The following E2F4 variants were observed in gnomAD, a reference collection of about 807,000 sequenced individuals.
E2F4 encodes the protein E2F transcription factor 4.
A neutral mutation model predicts 44.5 loss-of-function variants in E2F4; 16 were observed. The ratio of observed to expected loss-of-function variants is 0.36; its 90% confidence interval spans 0.24 to 0.55. E2F4 has a LOEUF of 0.55. Among genes scored for constraint, E2F4 ranks in the 20% least tolerant of loss-of-function variants. The pLI is 0.87. For missense variants in E2F4, 473 were observed against 522.1 expected (o/e 0.91, Z 0.92); for synonymous variants, 242 against 207.2 (o/e 1.17, Z -1.44).
chr16:67,192,451 C>T, intron 1 of E2F4, 89 bp downstream of exon 1: 1 of 1,376,874 alleles, frequency 7.3e-7, no homozygotes, highest in Non-Finnish European at 9.4e-7. Flanking sequence ...CAGCTGGGTC[C>T]TCCGAGAGCC....
At position 67,195,818 on chromosome 16, in the gene E2F4, G is replaced by T. The variant is rs1711566876; in HGVS notation, c.845G>T (p.Gly282Val). The T allele has an allele frequency of 3.7e-6, 6 of 1,613,954 alleles. No homozygotes were observed. The highest frequency in any genetic ancestry group is 1.7e-5 in the Admixed American group (1 of 59,990). The part of the protein sequence containing the change: ...GGPGTDSKDS[G>V]ELSSLPLGPT... ...CCTGGGACTGATAGCAAGGACAGTG[G>T]TGAGCTCAGTTCACTCCCACTGGGC... The change falls in exon 7 of 10, where the codon GGT becomes GTT. Residue 282 changes from glycine to valine, a missense_variant. Physicochemically the swap from Gly to Val is moderately radical, Grantham distance 109 (BLOSUM62 -3). Coordinates refer to ENST00000379378, the MANE Select transcript of E2F4 (RefSeq NM_001950.4).
At position 67,192,410 on chromosome 16, in the gene E2F4, T is replaced by A. The variant is rs553588481; in HGVS notation, c.135+48T>A. On this transcript the variant is annotated intron_variant, in intron 1 of 9. Coordinates refer to ENST00000379378, the MANE Select transcript of E2F4 (RefSeq NM_001950.4). ...ACAAGGGAGGCTGGTGGACCAGGCC[T>A]GGGCCGGTAGCGGGAACCCCGGGGG... 14 of 1,417,186 alleles carry A rather than the reference T, an allele frequency of 9.9e-6. No homozygotes were observed. The South Asian group carries it at 1.5e-4, about 16-fold the overall frequency. 87.8% of individuals were successfully genotyped at this position (1,417,186 alleles called of 1,614,324 possible). A position where few individuals can be genotyped will look rare whatever the true frequency, so the allele number is the denominator to read the frequency against.
In E2F4 at chr16:67,198,194, C is replaced by T; in HGVS notation, c.*71C>T. Reference sequence around the variant, plus strand: ...CTGGGGGTTGCCTGGGGACCTCTCCCACCCGACCCCTACAGAGCTTGAGAG... The same window carrying T: ...CTGGGGGTTGCCTGGGGACCTCTCCTACCCGACCCCTACAGAGCTTGAGAG... On this transcript the variant is annotated 3_prime_UTR_variant, in exon 10 of 10. Transcript: ENST00000379378. 1 of 1,361,924 alleles carries T rather than the reference C, an allele frequency of 7.3e-7. No individual in the cohort carries two copies. Among genetic ancestry groups the T allele is most frequent in the Non-Finnish European group, 1.0e-6 (1 of 960,406 alleles). 84.4% of individuals were successfully genotyped at this position (1,361,924 alleles called of 1,614,324 possible).
chr16:67,195,268 G>T lies in E2F4; in HGVS notation c.808+288G>T, dbSNP rs574717740. Among the ~76,000 whole-genome samples, 8 of 152,324 alleles carry T rather than the reference G, an allele frequency of 5.3e-5. No individual in the cohort carries two copies. In the South Asian group the frequency reaches 1.7e-3, roughly 32 times the overall value. On this transcript the variant is annotated intron_variant, in intron 6 of 9. Coordinates refer to ENST00000379378, the MANE Select transcript of E2F4 (RefSeq NM_001950.4). ...TCCTGCCTTAGCCTCCTGAGTAGCTGGGATTACAGGCGCCCACCATGCGCA... is the reference window on the plus strand; with the variant it reads ...TCCTGCCTTAGCCTCCTGAGTAGCTTGGATTACAGGCGCCCACCATGCGCA...
rs988769882 is a variant in E2F4, at chr16:67,192,368, G to T, written c.135+6G>T. ...GCGTGCTTGACCTCAAGCTGGTGCG[G>T]CCTGGGCTAAGGGGAGACAAGGGAG... On this transcript the variant is annotated splice_donor_region_variant and intron_variant, in intron 1 of 9. Coordinates refer to ENST00000379378, the MANE Select transcript of E2F4 (RefSeq NM_001950.4). 1 of 1,420,980 alleles carries T rather than the reference G, an allele frequency of 7.0e-7. No homozygotes were observed. Among genetic ancestry groups the T allele is most frequent in the Non-Finnish European group, 9.2e-7 (1 of 1,086,192 alleles). 88.0% of individuals were successfully genotyped at this position (1,420,980 alleles called of 1,614,324 possible).
chr16:67,195,719 A>T, intron 6 of E2F4, 63 bp from the exon 7 acceptor site: 1 of 1,603,986 alleles, frequency 6.2e-7, no homozygotes, highest in Non-Finnish European at 8.5e-7. Context: ...GGGTTCCAGC[A>T]CAGCCAGTTT....
intron 7 of E2F4, 72 bp downstream of exon 7, chr16:67,196,078 T>G (rs1259598793): frequency 1.3e-6 from 2 of 1,595,704 alleles, no homozygotes; most frequent in Non-Finnish European, 1.7e-6. Context: ...GAAAACAGAA[T>G]TGGGGATGGA....
rs1267100856 is a variant in E2F4, at chr16:67,193,061, C to T, written c.298C>T (p.Leu100Phe). 9 of 1,570,502 alleles carry T rather than the reference C, an allele frequency of 5.7e-6. No individual in the cohort carries two copies. Among genetic ancestry groups the T allele is most frequent in the Non-Finnish European group, 1.7e-6 (2 of 1,157,224 alleles). ...TREIADKLIE[L>F]KAEIEELQQR... ...GGAGATTGCTGACAAACTGATTGAG[C>T]TCAAGGCAGAGATCGAGGAGCTGCA... Residue 100 changes from leucine (L) to phenylalanine (F), a missense_variant, in exon 3 of 10, where the codon CTC (leucine) becomes TTC (phenylalanine). Coordinates refer to ENST00000379378, the MANE Select transcript of E2F4 (RefSeq NM_001950.4).
In E2F4 at chr16:67,197,708, G is replaced by A. The variant is rs1268012213; in HGVS notation, c.1081+62G>A. 5.0e-6 allele frequency: 8 copies of A among 1,604,844 alleles called. 1 individual carries two copies. The South Asian group carries it at 7.7e-5, about 16-fold the overall frequency. On this transcript the variant is annotated intron_variant, in intron 8 of 9. Transcript: ENST00000379378. The stretch of plus-strand genomic sequence containing the variant: ...GGGACACAGCTCATTGGGTCCTATG[G>A]CTGTTTTCTTGCCCTTTTGAGGACC...
chr16:67,197,801 C>A (rs1053413790), intron 8 of E2F4, 66 bp from the exon 9 acceptor site: 1 of 1,611,526 alleles, frequency 6.2e-7, no homozygotes, highest in Non-Finnish European at 8.5e-7. Context: ...GGTTCCCTTT[C>A]CTGGGCTTTG....
Position 67,194,560 on chromosome 16 carries a change from T to C in E2F4, c.513+101T>C, listed in dbSNP as rs2032937108. 3.8e-6 allele frequency: 6 copies of C among 1,576,622 alleles called. No homozygotes were observed. The Admixed American group carries it at 1.0e-4, about 27-fold the overall frequency. On this transcript the variant is annotated intron_variant, in intron 5 of 9. Coordinates refer to ENST00000379378, the MANE Select transcript of E2F4 (RefSeq NM_001950.4). ...GGCAAGTAGGGGGAGGCCTGGAGTTTGGGGTTATCTAGGAGGATGGGCATC... is the reference window on the plus strand; with the variant it reads ...GGCAAGTAGGGGGAGGCCTGGAGTTCGGGGTTATCTAGGAGGATGGGCATC...
intron 3 of E2F4, 93 bp from the exon 4 acceptor site, chr16:67,193,379 C>G (rs796620813): frequency 7.1e-6 from 11 of 1,546,834 alleles, no homozygotes; most frequent in African/African-American, 5.4e-5. Context: ...CTCTGAGGGC[C>G]TGTGTGTCAG....
rs757043561 is a variant in E2F4 at position 67,193,063 on chromosome 16, C to A, written c.300C>A (p.Leu100=). ...TREIADKLIE[L]KAEIEELQQR... ...AGATTGCTGACAAACTGATTGAGCT[C>A]AAGGCAGAGATCGAGGAGCTGCAGC... is the stretch of plus-strand genomic sequence containing the variant. Residue 100 remains leucine (L), a synonymous_variant, in exon 3 of 10, where the codon CTC becomes CTA. Transcript: ENST00000379378. 1.3e-6 allele frequency: 2 copies of A among 1,570,422 alleles called. No individual in the cohort carries two copies. The highest frequency in any genetic ancestry group is 1.9e-5 in the Admixed American group (1 of 53,044).
intron 3 of E2F4, 123 bp downstream of exon 3, chr16:67,193,293 T>G: frequency 6.6e-7 from 1 of 1,511,408 alleles, no homozygotes. Context: ...AGCCTCAGGC[T>G]CCCTCCTCAG....
chr16:67,192,495 G>A lies in E2F4; in HGVS notation c.135+133G>A. 20 of 1,275,214 alleles carry A rather than the reference G, an allele frequency of 1.6e-5. No individual in the cohort carries two copies. In the South Asian group the frequency reaches 2.0e-4, roughly 13 times the overall value. The allele number at this position is 1,275,214 out of a possible 1,614,324, so 79.0% of individuals were successfully genotyped here. A position where few individuals can be genotyped will look rare whatever the true frequency, so the allele number is the denominator to read the frequency against. Reference sequence around the variant, plus strand: ...TCGTGTGCTTTCTCACAGGAGAGAAGCCGGGGGATGTTTCATTCATTCGGC... The same window carrying A: ...TCGTGTGCTTTCTCACAGGAGAGAAACCGGGGGATGTTTCATTCATTCGGC... On this transcript the variant is annotated intron_variant, in intron 1 of 9. Coordinates refer to ENST00000379378, the MANE Select transcript of E2F4 (RefSeq NM_001950.4).
chr16:67,197,212 C>T (rs2032983274), intron 7 of E2F4, among the ~76,000 whole-genome samples: 1 of 152,152 alleles, frequency 6.6e-6, no homozygotes. Context: ...CCCTGTAGCG[C>T]CACCACCTCT....
At chr16:67,193,441 G>A (rs1328077632) in intron 3 of E2F4, 31 bp from the exon 4 acceptor site, 2 of 1,612,396 alleles carry the variant, frequency 1.2e-6, no homozygotes, top group East Asian at 2.2e-5. Context: ...TGTCACCATA[G>A]GGCATCAGCC....
intron 8 of E2F4, 85 bp downstream of exon 8, chr16:67,197,731 A>G (rs2032994647): frequency 6.2e-7 from 1 of 1,600,272 alleles, no homozygotes. Flanking sequence ...CCTTTTGAGG[A>G]CCTTGTTGTG....
chr16:67,192,882 T>G lies in E2F4; in HGVS notation c.245+12T>G. On this transcript the variant is annotated intron_variant, in intron 2 of 9. Coordinates refer to ENST00000379378, the MANE Select transcript of E2F4 (RefSeq NM_001950.4). ...AGCATCCAGTGGAAGTGAGTGGGCATAGTGGGAGGGTAGTAGAGTCTCCCA... is the reference window on the plus strand; with the variant it reads ...AGCATCCAGTGGAAGTGAGTGGGCAGAGTGGGAGGGTAGTAGAGTCTCCCA... 1 of 1,603,946 alleles carries G rather than the reference T, an allele frequency of 6.2e-7. No homozygotes were observed. Among genetic ancestry groups the G allele is most frequent in the South Asian group, 1.1e-5 (1 of 89,668 alleles).
Sources: gnomAD v4.1 joint callset for allele counts (sites outside exome capture counted in the v4.1 genomes callset) on GRCh38, gnomAD v4.1.1 for gene constraint, MANE v1.5 for transcripts, NCBI Gene and HGNC (gene_info 2026-07-23, HGNC 2026-07-21) for gene names.